The following SMARCD3 variants were observed in gnomAD, a reference collection of about 807,000 sequenced individuals.
SMARCD3 encodes SWI/SNF-related matrix-associated actin-dependent regulator of chromatin subfamily D member 3.
In SMARCD3, 14 loss-of-function variants were observed where a neutral mutation model predicts 58.0. The observed-to-expected ratio is 0.24, with a 90% CI of 0.16 to 0.38. The LOEUF is 0.38. Ranked by LOEUF, SMARCD3 falls within the 10% of genes least tolerant of loss-of-function variation. The probability of loss-of-function intolerance (pLI) is 1.00; values close to 1 mark genes in which losing one functional copy is unlikely to be tolerated. For missense variants in SMARCD3, 408 were observed against 636.9 expected, an observed-to-expected ratio of 0.64 and a Z score of 3.87; for synonymous variants, 253 against 253.8, an observed-to-expected ratio of 1.00 and a Z score of 0.03.
chr7:151,266,839 G>A (rs1563691644), intron 2 of SMARCD3, among the ~76,000 whole-genome samples: 1 of 152,202 alleles, frequency 6.6e-6, no homozygotes, highest in African/African-American at 2.4e-5. Context: ...AGCCTCCTGA[G>A]TAGCTGAGAC....
intron 2 of SMARCD3, among the ~76,000 whole-genome samples, chr7:151,260,831 G>A (rs78461635): frequency 0.2 from 30,957 of 152,222 alleles, 3,587 homozygotes; most frequent in Non-Finnish European, 0.27. Context: ...TGTCTAGGCT[G>A]AGTGGACCAC....
upstream of SMARCD3, chr7:151,277,126 G>A (rs917396823): frequency 6.6e-6 from 1 of 150,802 alleles, no homozygotes; most frequent in African/African-American, 2.4e-5. Context: ...CTCCCTGCTC[G>A]GCGCTCGGCT....
upstream of SMARCD3, chr7:151,276,842 A>AG (rs1227016902): frequency 4.3e-5 from 4 of 92,880 alleles, no homozygotes; most frequent in Non-Finnish European, 8.4e-5. Context: ...AAGGGAAGCC[A>AG]GGCAGGGGGA....
At chr7:151,257,248 A>G (rs1010473362) in intron 2 of SMARCD3, among the ~76,000 whole-genome samples, 1 of 152,048 alleles carries the variant, frequency 6.6e-6, no homozygotes, top group Non-Finnish European at 1.5e-5. Flanking sequence ...CAGTAGCAAC[A>G]AAACTTCTGA....
Position 151,242,362 on chromosome 7 carries a change from C to T in SMARCD3, c.579+119G>A. ...CCTCTGCACTTGGAATGTCTCTAGG[C>T]CTGCCCCTCCACCCAGCCTGGGCTG... is the stretch of plus-strand genomic sequence containing the variant. On this transcript the variant is annotated intron_variant, in intron 5 of 12. Coordinates refer to ENST00000262188, the MANE Select transcript of SMARCD3 (RefSeq NM_001003801.2). This position sits in a 1 kb window ranked among gnomAD's most constrained non-coding sequence, Gnocchi z 4.7. 1 of 1,465,978 alleles carries T rather than the reference C, an allele frequency of 6.8e-7. No individual in the cohort carries two copies. Among genetic ancestry groups the T allele is most frequent in the South Asian group, 1.2e-5 (1 of 85,608 alleles). The allele number at this position is 1,465,978 out of a possible 1,614,324, so 90.8% of individuals were successfully genotyped here. A position where few individuals can be genotyped will look rare whatever the true frequency, so the allele number is the denominator to read the frequency against.
chr7:151,255,884 C>CTT (rs34508011), intron 2 of SMARCD3, among the ~76,000 whole-genome samples: 8 of 145,434 alleles, frequency 5.5e-5, no homozygotes, highest in South Asian at 2.2e-4. Flanking sequence ...CTTGCATGTA[C>CTT]TTTTTTTTTT....
Position 151,239,987 on chromosome 7 carries a change from TC to T in SMARCD3, c.1173+124del. 2 of 1,014,096 alleles carry T rather than the reference TC, an allele frequency of 2.0e-6. No individual in the cohort carries two copies. The highest frequency in any genetic ancestry group is 2.8e-6 in the Non-Finnish European group (2 of 715,394). The allele number at this position is 1,014,096 out of a possible 1,614,324, so 62.8% of individuals were successfully genotyped here. On this transcript the variant is annotated intron_variant, in intron 10 of 12. Transcript: ENST00000262188. The surrounding 1 kb of genome is among the most constrained non-coding windows in gnomAD (Gnocchi z 7.0). Reference sequence around the variant, plus strand: ...TGTCCCATTGGCCCAGAGTCTGGTCTCTTTTTTTTTTTTTTTTTTAATTTAA... The same window carrying T: ...TGTCCCATTGGCCCAGAGTCTGGTCTTTTTTTTTTTTTTTTTTTAATTTAA...
chr7:151,255,838 C>T (rs994324524), intron 2 of SMARCD3, among the ~76,000 whole-genome samples: 7 of 152,036 alleles, frequency 4.6e-5, no homozygotes, highest in Admixed American at 1.3e-4. Context: ...GTTGTTTTGA[C>T]GGTGACACAT....
intron 2 of SMARCD3, among the ~76,000 whole-genome samples, chr7:151,261,387 C>T (rs1395971562): frequency 2.0e-5 from 3 of 152,164 alleles, no homozygotes; most frequent in African/African-American, 7.2e-5. Flanking sequence ...AGAACCACAG[C>T]CCTTGAGTCA....
At chr7:151,272,918 C>A (rs972481454) in intron 2 of SMARCD3, among the ~76,000 whole-genome samples, 11 of 152,172 alleles carry the variant, frequency 7.2e-5, no homozygotes, top group Admixed American at 3.9e-4. Flanking sequence ...TCCACTCATC[C>A]CCGATGGGTG....
chr7:151,252,488 A>G (rs949965606), upstream of SMARCD3, among the ~76,000 whole-genome samples: 8 of 150,462 alleles, frequency 5.3e-5, no homozygotes, highest in Non-Finnish European at 1.0e-4. Flanking sequence ...GAGAGAGAGA[A>G]AGAAAGAGAG....
chr7:151,249,191 G>T (rs951210338), upstream of SMARCD3: 1 of 152,014 alleles, frequency 6.6e-6, no homozygotes, highest in African/African-American at 2.4e-5. The surrounding 1 kb of genome is among the most constrained non-coding windows in gnomAD (Gnocchi z 4.8). Flanking sequence ...GGCAGGAACC[G>T]GGGGAGCCCG....
intron 2 of SMARCD3, among the ~76,000 whole-genome samples, chr7:151,264,604 C>T (rs578055197): frequency 3.5e-4 from 54 of 152,318 alleles, no homozygotes; most frequent in Middle Eastern, 3.4e-3. Flanking sequence ...CAATCACCCC[C>T]TGAAGACCTA....
In SMARCD3 at chr7:151,259,612, T is replaced by TTTTTTTG. The variant is rs1563682513; in HGVS notation, c.40-13942_40-13941insCAAAAAA. On this transcript the variant is annotated intron_variant, in intron 2 of 13. Coordinates refer to the SMARCD3 transcript ENST00000356800. ...GTTACAACCTGAGAGTTTTTTTTTTTTTTTTTTTTTTTTTGAGACGGACTT... is the reference window on the plus strand; with the variant it reads ...GTTACAACCTGAGAGTTTTTTTTTTTTTTTTTGTTTTTTTTTTTTTTGAGACGGACTT... 4.0e-4 allele frequency among the ~76,000 whole-genome samples: 46 copies of TTTTTTTG among 114,380 alleles called. 2 individuals are homozygous for TTTTTTTG. The highest frequency in any genetic ancestry group is 1.7e-3 in the African/African-American group (45 of 26,904). 75.0% of individuals were successfully genotyped at this position (114,380 alleles called of 152,430 possible).
chr7:151,240,022 G>C (rs1196219964), intron 10 of SMARCD3, 90 bp downstream of exon 10: 1 of 1,287,930 alleles, frequency 7.8e-7, no homozygotes, highest in African/African-American at 1.5e-5. Flanking sequence ...AACCCAGACT[G>C]CTCATCTGCA....
Position 151,241,943 on chromosome 7 carries a change from G to A in SMARCD3, c.711C>T (p.Gly237=). The change falls in exon 7 of 13, where the codon GGC becomes GGT. Residue 237 remains glycine (G), a synonymous_variant. Coordinates refer to ENST00000262188, the MANE Select transcript of SMARCD3 (RefSeq NM_001003801.2). This position sits in a 1 kb window ranked among gnomAD's most constrained non-coding sequence, Gnocchi z 5.3. The part of the protein sequence containing the change: ...HRTPTTQETD[G]FQVKRPGDLS... ...GGTCCCCAGGCCGTTTCACCTGGAA[G>A]CCGTCCGTCTCCTGGGTCGTGGGTG... 1.9e-6 allele frequency: 3 copies of A among 1,612,874 alleles called. No individual in the cohort carries two copies. Among genetic ancestry groups the A allele is most frequent in the Non-Finnish European group, 2.5e-6 (3 of 1,179,532 alleles).
chr7:151,250,567 C>G (rs1803481167), upstream of SMARCD3, among the ~76,000 whole-genome samples: 1 of 151,612 alleles, frequency 6.6e-6, no homozygotes, highest in South Asian at 2.1e-4. Context: ...CAAATCACAC[C>G]TATTCTTTAA....
At position 151,242,039 on chromosome 7, in the gene SMARCD3, C is replaced by T. The variant is rs184245054; in HGVS notation, c.676-61G>A. On this transcript the variant is annotated intron_variant, in intron 6 of 12. Transcript: ENST00000262188. This position sits in a 1 kb window ranked among gnomAD's most constrained non-coding sequence, Gnocchi z 4.7. ...CCATCTGGAGTGGTGGGGCCCAGGA[C>T]TCTAGGGTGGTCCCTGACCCAAATC... 2.6e-3 allele frequency: 4,061 copies of T among 1,554,926 alleles called. 17 individuals carry two copies. The highest frequency in any genetic ancestry group is 2.8e-3 in the Non-Finnish European group (3,102 of 1,127,648).
chr7:151,261,219 T>C (rs2150609242), intron 2 of SMARCD3, among the ~76,000 whole-genome samples: 1 of 152,374 alleles, frequency 6.6e-6, no homozygotes, highest in East Asian at 1.9e-4. Flanking sequence ...TTGGCACTGC[T>C]GACATCTCAG....
Sources: gnomAD v4.1 joint callset for allele counts (sites outside exome capture counted in the v4.1 genomes callset) on GRCh38, gnomAD v4.1.1 for gene constraint, Gnocchi (gnomAD v3.1) non-coding constraint, MANE v1.5 for transcripts, NCBI Gene and HGNC (gene_info 2026-07-23, HGNC 2026-07-21) for gene names.